Variants in ITGA10 observed in about 807,000 individuals in gnomAD.
ITGA10 encodes integrin alpha-10.
ITGA10 carries 105 observed loss-of-function variants against 145.2 expected under a neutral mutation model. The observed-to-expected ratio is 0.72, with a 90% CI of 0.62 to 0.85. The LOEUF (loss-of-function observed/expected upper bound fraction) is 0.85. ITGA10 is among the 40% of genes least tolerant of loss of function. ITGA10 has a pLI of 0.00. For missense variants in ITGA10, 1,317 were observed against 1,444.5 expected (o/e 0.91, Z 1.43); for synonymous variants, 506 against 557.8 (o/e 0.91, Z 1.31).
chr1:145,895,829 C>G, intron 25 of ITGA10, 118 bp from the exon 26 acceptor site: 1 of 1,054,766 alleles, frequency 9.5e-7, no homozygotes, highest in Admixed American at 2.3e-5. Context: ...TTTTTCTTCT[C>G]TCTAATAAGC....
Position 145,907,452 on chromosome 1 carries a change from G to T in ITGA10, c.66C>A (p.Pro22=). The T allele has an allele frequency of 6.2e-7, 1 of 1,614,134 alleles. No individual in the cohort carries two copies. Among genetic ancestry groups the T allele is most frequent in the Non-Finnish European group, 8.5e-7 (1 of 1,180,014 alleles). The change falls in exon 2 of 30, where the codon CCC becomes CCA. Residue 22 remains proline, a synonymous_variant. Transcript: ENST00000369304. ...PLVFLTGLCS[P]FNLDEHHPRL... ...GTGGGTGATGTTCATCCAGGTTAAA[G>T]GGGGAGCAGAGACCTGTGGGGTCAG...
Position 145,906,101 on chromosome 1 carries a change from T to G in ITGA10, c.481+293A>C, listed in dbSNP as rs12138762. ...CGCACCCAGCTAATTTTTGTATTTT[T>G]TTTTTTTAGTAGAGATGGAGTTTCA... On this transcript the variant is annotated intron_variant, in intron 5 of 29. Coordinates refer to ENST00000369304, the MANE Select transcript of ITGA10 (RefSeq NM_003637.5). 768 of 300,690 alleles carry G rather than the reference T, an allele frequency of 2.6e-3. 3 individuals carry two copies. The highest frequency in any genetic ancestry group is 3.9e-3 in the Non-Finnish European group (608 of 156,440). 18.6% of individuals were successfully genotyped at this position (300,690 alleles called of 1,614,324 possible).
intron 1 of ITGA10, 58 bp from the exon 2 acceptor site, chr1:145,907,523 C>CG: frequency 6.2e-7 from 1 of 1,604,566 alleles, no homozygotes; most frequent in East Asian, 2.2e-5. Context: ...AGGCACAGCC[C>CG]GAGAGAAGCT....
chr1:145,906,753 C>G lies in ITGA10; in HGVS notation c.346G>C (p.Asp116His). Reference sequence around the variant, plus strand: ...CTCACCATGAATCCCCCATCACCATCTGTCTCTAACAGAGACATCCCCAGG... The same window carrying G: ...CTCACCATGAATCCCCCATCACCATGTGTCTCTAACAGAGACATCCCCAGG... ...MHLGMSLLET[D>H]GDGGFMACAP... is the part of the protein sequence containing the mutation. The change falls in exon 4 of 30, where the codon GAT (aspartate) becomes CAT (histidine). Residue 116 changes from aspartate to histidine, a missense_variant. Transcript: ENST00000369304. The G allele has an allele frequency of 6.2e-7, 1 of 1,612,294 alleles. No individual in the cohort carries two copies. Among genetic ancestry groups the G allele is most frequent in the South Asian group, 1.1e-5 (1 of 91,012 alleles).
intron 8 of ITGA10, 35 bp from the exon 9 acceptor site, chr1:145,902,654 G>T: frequency 6.4e-7 from 1 of 1,571,548 alleles, no homozygotes. Context: ...TGAGGCATTA[G>T]AGTTGGTACA....
chr1:145,904,853 G>A (rs868943568), intron 5 of ITGA10, 42 bp from the exon 6 acceptor site: 2 of 1,595,984 alleles, frequency 1.3e-6, no homozygotes, highest in South Asian at 1.1e-5. Context: ...CACTGAGCTG[G>A]GGGCAACAAG....
intron 3 of ITGA10, 30 bp downstream of exon 3, chr1:145,907,011 T>A: frequency 6.9e-7 from 1 of 1,453,298 alleles, no homozygotes; most frequent in East Asian, 2.4e-5. Context: ...AGTCAGGGGT[T>A]AGGAGGAGAA....
Position 145,906,375 on chromosome 1 carries a change from C to T in ITGA10, c.481+19G>A. ...TATCTCCTTCTGGGAACCAAGTACTCAGCCTTCCTCTGGCTCACGTTGGGC... is the reference window on the plus strand; with the variant it reads ...TATCTCCTTCTGGGAACCAAGTACTTAGCCTTCCTCTGGCTCACGTTGGGC... On this transcript the variant is annotated intron_variant, in intron 5 of 29. Transcript: ENST00000369304. 2 of 1,592,736 alleles carry T rather than the reference C, an allele frequency of 1.3e-6. No homozygotes were observed. The highest frequency in any genetic ancestry group is 1.7e-6 in the Non-Finnish European group (2 of 1,161,192).
intron 29 of ITGA10, 29 bp downstream of exon 29, chr1:145,893,132 T>C: frequency 6.7e-7 from 1 of 1,499,598 alleles, no homozygotes; most frequent in Non-Finnish European, 9.3e-7. Flanking sequence ...GGCATCATGC[T>C]CCACACTCCC....
chr1:145,893,151 C>G lies in ITGA10; in HGVS notation c.3438+10G>C, dbSNP rs587596797. The G allele has an allele frequency of 2.8e-5, 44 of 1,577,728 alleles. No individual in the cohort carries two copies. The Middle Eastern group carries it at 6.7e-4, about 24-fold the overall frequency. On this transcript the variant is annotated intron_variant, in intron 29 of 29. Transcript: ENST00000369304. ...TCATGCTCCACACTCCCCACTAAAG[C>G]AGTGCTTACCTTCCACAGGCAGAAG...
At chr1:145,903,983 T>C (rs1388454720) in intron 7 of ITGA10, 69 bp downstream of exon 7, 3 of 1,579,296 alleles carry the variant, frequency 1.9e-6, no homozygotes, top group South Asian at 1.1e-5. Context: ...CCACCATGCC[T>C]GGCCCCGCCC....
chr1:145,893,146 T>A lies in ITGA10; in HGVS notation c.3438+15A>T, dbSNP rs1553743725. 1 of 1,565,886 alleles carries A rather than the reference T, an allele frequency of 6.4e-7. No individual in the cohort carries two copies. The highest frequency in any genetic ancestry group is 8.8e-7 in the Non-Finnish European group (1 of 1,136,152). On this transcript the variant is annotated intron_variant, in intron 29 of 29. Coordinates refer to ENST00000369304, the MANE Select transcript of ITGA10 (RefSeq NM_003637.5). ...GGGCATCATGCTCCACACTCCCCAC[T>A]AAAGCAGTGCTTACCTTCCACAGGC...
chr1:145,900,410 G>A (rs984663857), intron 14 of ITGA10, among the ~76,000 whole-genome samples: 1 of 152,096 alleles, frequency 6.6e-6, no homozygotes, highest in Non-Finnish European at 1.5e-5. Flanking sequence ...TGGGATTATA[G>A]GTGTGCGCCA....
chr1:145,899,327 AC>A lies in ITGA10; in HGVS notation c.1936del (p.Val646SerfsTer3), dbSNP rs1553746994. The A allele has an allele frequency of 6.2e-7, 1 of 1,614,092 alleles. No individual in the cohort carries two copies. The highest frequency in any genetic ancestry group is 8.5e-7 in the Non-Finnish European group (1 of 1,179,966). ...AAILLSSRPI[V>X]HLTPSLEVTP... ...CACCTCCAGTGATGGGGTCAGATGGACAATGGGCCGGGAGCTGGGAACAGTG... is the reference window on the plus strand; with the variant it reads ...CACCTCCAGTGATGGGGTCAGATGGAAATGGGCCGGGAGCTGGGAACAGTG... On this transcript the variant is annotated frameshift_variant, in exon 16 of 30. Coordinates refer to ENST00000369304, the MANE Select transcript of ITGA10 (RefSeq NM_003637.5). LOFTEE classifies it high-confidence loss of function.
In ITGA10 at chr1:145,893,143, C is replaced by T; in HGVS notation, c.3438+18G>A. On this transcript the variant is annotated intron_variant, in intron 29 of 29. Transcript: ENST00000369304. ...CATGGGCATCATGCTCCACACTCCC[C>T]ACTAAAGCAGTGCTTACCTTCCACA... The T allele has an allele frequency of 1.3e-6, 2 of 1,544,942 alleles. No homozygotes were observed. The highest frequency in any genetic ancestry group is 1.8e-6 in the Non-Finnish European group (2 of 1,116,984).
rs1654790417 is a variant in ITGA10 at position 145,891,937 on chromosome 1, GAGTAT to G, written c.*856_*860del. The G allele has an allele frequency of 6.6e-6, 1 of 152,250 alleles. No individual in the cohort carries two copies. Among genetic ancestry groups the G allele is most frequent in the Non-Finnish European group, 1.5e-5 (1 of 68,052 alleles). 9.4% of individuals were successfully genotyped at this position (152,250 alleles called of 1,614,324 possible). A position where few individuals can be genotyped will look rare whatever the true frequency, so the allele number is the denominator to read the frequency against. Reference sequence around the variant, plus strand: ...CAGGCCCCAAGGAGGGCTCAAGAGTGAGTATAAGACTTGAGAGAAGTAGAGAAAAT... The same window carrying G: ...CAGGCCCCAAGGAGGGCTCAAGAGTGAAGACTTGAGAGAAGTAGAGAAAAT... On this transcript the variant is annotated 3_prime_UTR_variant, in exon 30 of 30. Coordinates refer to ENST00000369304, the MANE Select transcript of ITGA10 (RefSeq NM_003637.5).
At chr1:145,896,429 C>T (rs587650974) in intron 23 of ITGA10, 77 bp from the exon 24 acceptor site, 218 of 1,141,268 alleles carry the variant, frequency 1.9e-4, no homozygotes, top group African/African-American at 1.2e-3. Context: ...AGCACACAGA[C>T]GTGGATTCAG....
chr1:145,901,533 T>A lies in ITGA10; in HGVS notation c.1426A>T (p.Ser476Cys). 1 of 1,582,768 alleles carries A rather than the reference T, an allele frequency of 6.3e-7. No individual in the cohort carries two copies. Among genetic ancestry groups the A allele is most frequent in the Non-Finnish European group, 8.6e-7 (1 of 1,167,174 alleles). The change falls in exon 12 of 30, where the codon AGC becomes TGC. Residue 476 changes from serine to cysteine, a missense_variant. By Grantham distance (112) the Ser-to-Cys change is moderately radical (BLOSUM62 -1). Coordinates refer to ENST00000369304, the MANE Select transcript of ITGA10 (RefSeq NM_003637.5). The surrounding 1 kb of genome is among the most constrained non-coding windows in gnomAD (Gnocchi z 4.3). ...KKDGAVRVAQSLQGEQIGSYF... is the reference protein window; with the variant it reads ...KKDGAVRVAQCLQGEQIGSYF... ...TGCCCTACCTGCTCCCCCTGGAGGC[T>A]CTGGGCAACCCTCACAGCCCCATCT... is the stretch of plus-strand genomic sequence containing the variant.
chr1:145,901,813 GC>G lies in ITGA10; in HGVS notation c.1294+63del. 6.3e-7 allele frequency: 1 copy of G among 1,598,232 alleles called. No homozygotes were observed. On this transcript the variant is annotated intron_variant, in intron 11 of 29. Coordinates refer to ENST00000369304, the MANE Select transcript of ITGA10 (RefSeq NM_003637.5). This position sits in a 1 kb window ranked among gnomAD's most constrained non-coding sequence, Gnocchi z 4.3. Reference sequence around the variant, plus strand: ...AGTTAAGAGGGAGTATTTCATACCCGCCCCCACTAGGGATGTATTTCCTCCC... The same window carrying G: ...AGTTAAGAGGGAGTATTTCATACCCGCCCCACTAGGGATGTATTTCCTCCC...
Sources: allele counts gnomAD v4.1 joint callset (sites outside exome capture counted in the v4.1 genomes callset), GRCh38; gene constraint gnomAD v4.1.1; non-coding constraint Gnocchi (gnomAD v3.1); transcripts MANE v1.5; gene names NCBI Gene and HGNC (gene_info 2026-07-23, HGNC 2026-07-21).